TVP23B: variants seen among roughly 807,000 people sequenced by gnomAD.
TVP23B encodes Golgi apparatus membrane protein TVP23 homolog B.
In TVP23B, 10 loss-of-function variants were observed where a neutral mutation model predicts 30.6. That is an observed-to-expected ratio of 0.33 (90% CI 0.20 to 0.55). The LOEUF is 0.55. Ranked by LOEUF, TVP23B falls within the 20% of genes least tolerant of loss-of-function variation. TVP23B has a pLI of 0.91. For synonymous variants in TVP23B, 67 were observed against 83.1 expected, an observed-to-expected ratio of 0.81 and a Z score of 1.06; for missense variants, 153 against 243.2, an observed-to-expected ratio of 0.63 and a Z score of 2.47.
chr17:18,798,954 G>A lies in TVP23B; in HGVS notation c.462+11G>A, dbSNP rs192545463. The A allele has an allele frequency of 5.6e-6, 9 of 1,603,698 alleles. No homozygotes were observed. In the East Asian group the frequency reaches 2.0e-4, roughly 36 times the overall value. The stretch of plus-strand genomic sequence containing the variant: ...AGAGTAAAGTGGTTGGTGAGTATCA[G>A]TGTAGAACTTTCAAATAATCCATTA... On this transcript the variant is annotated intron_variant, in intron 5 of 6. Transcript: ENST00000307767.
chr17:18,801,425 G>A lies in TVP23B; in HGVS notation c.462+2482G>A, dbSNP rs1389297498. ...CCTTCTCTTTCTGCTGGTTTAGTGC[G>A]GGTGAATCCCCCTTGACCACCTTCT... On this transcript the variant is annotated intron_variant, in intron 5 of 6. Transcript: ENST00000307767. Among the ~76,000 whole-genome samples, 6 of 152,076 alleles carry A rather than the reference G, an allele frequency of 3.9e-5. No homozygotes were observed. In the East Asian group the frequency reaches 7.7e-4, roughly 20 times the overall value.
intron 1 of TVP23B, among the ~76,000 whole-genome samples, chr17:18,787,413 A>AC (rs1555540387): frequency 4.7e-5 from 7 of 150,052 alleles, no homozygotes; most frequent in African/African-American, 7.4e-5. Context: ...AAAAAAAAAA[A>AC]AAAAAACCTT....
At chr17:18,793,935 A>G (rs2036037119) in intron 3 of TVP23B, among the ~76,000 whole-genome samples, 1 of 152,110 alleles carries the variant, frequency 6.6e-6, no homozygotes, top group Non-Finnish European at 1.5e-5. Flanking sequence ...ATCAACTCAA[A>G]CAAAAAGAAA....
intron 6 of TVP23B, chr17:18,804,611 C>G: frequency 8.9e-7 from 1 of 1,120,236 alleles, no homozygotes; most frequent in Non-Finnish European, 1.1e-6. Flanking sequence ...TTTTTTGAGA[C>G]AGAGTTTTGC....
chr17:18,804,134 C>T lies in TVP23B; in HGVS notation c.463-4C>T. 6.2e-7 allele frequency: 1 copy of T among 1,613,362 alleles called. No individual in the cohort carries two copies. Among genetic ancestry groups the T allele is most frequent in the Non-Finnish European group, 8.5e-7 (1 of 1,179,628 alleles). ...ACCATTGATTATTTTTTCCCTTGTC[C>T]CAGGCGGTGGTTATCATGGGTGTGG... is the stretch of plus-strand genomic sequence containing the variant. On this transcript the variant is annotated splice_polypyrimidine_tract_variant and splice_region_variant and intron_variant, in intron 5 of 6. Coordinates refer to ENST00000307767, the MANE Select transcript of TVP23B (RefSeq NM_016078.6).
intron 1 of TVP23B, chr17:18,782,074 A>G (rs1230915917): frequency 6.6e-6 from 1 of 152,192 alleles, no homozygotes; most frequent in Non-Finnish European, 1.5e-5. Context: ...GGGTGATGAA[A>G]TAACAAGTGT....
At chr17:18,783,352 CGCCTCA>C (rs999929231) in intron 1 of TVP23B, among the ~76,000 whole-genome samples, 1 of 152,122 alleles carries the variant, frequency 6.6e-6, no homozygotes, top group Non-Finnish European at 1.5e-5. Flanking sequence ...GTGATCCACC[CGCCTCA>C]GCCTTCCAAA....
At chr17:18,795,709 C>G (rs2036066718) in intron 3 of TVP23B, 3 of 152,068 alleles carry the variant, frequency 2.0e-5, no homozygotes, top group Non-Finnish European at 2.9e-5. Flanking sequence ...TGTAGTAGTT[C>G]CCCCATTATC....
chr17:18,799,290 C>T (rs1051713387), intron 5 of TVP23B, among the ~76,000 whole-genome samples: 1 of 148,922 alleles, frequency 6.7e-6, no homozygotes, highest in African/African-American at 2.5e-5. Context: ...GGGAAGGGCT[C>T]TGCTGGGAGA....
intron 6 of TVP23B, chr17:18,804,604 T>G: frequency 8.9e-7 from 1 of 1,126,040 alleles, no homozygotes; most frequent in Non-Finnish European, 1.1e-6. Context: ...TTTTTTTTTT[T>G]TTGAGACAGA....
chr17:18,799,104 T>G, intron 5 of TVP23B, 161 bp downstream of exon 5: 1 of 704,066 alleles, frequency 1.4e-6, no homozygotes, highest in Non-Finnish European at 2.1e-6. Flanking sequence ...TACCTTTCTC[T>G]ATAATACTGG....
At chr17:18,785,593 C>T (rs1423450917) in intron 1 of TVP23B, among the ~76,000 whole-genome samples, 1 of 152,014 alleles carries the variant, frequency 6.6e-6, no homozygotes, top group Non-Finnish European at 1.5e-5. Flanking sequence ...AGAAGGCCAG[C>T]CTGGGCATGG....
Position 18,805,558 on chromosome 17 carries a change from G to A in TVP23B, c.609G>A (p.Gln203=). 1.2e-6 allele frequency: 2 copies of A among 1,605,990 alleles called. No homozygotes were observed. The highest frequency in any genetic ancestry group is 1.7e-6 in the Non-Finnish European group (2 of 1,177,684). Residue 203 remains glutamine, a synonymous_variant, in exon 7 of 7, where the codon CAG becomes CAA. Coordinates refer to ENST00000307767, the MANE Select transcript of TVP23B (RefSeq NM_016078.6). ...QFLRQNTGDD[Q]TS Reference sequence around the variant, plus strand: ...TTTTGCAGAACACTGGAGATGATCAGACTTCCTGAATAGAGAAAGCTTATG... The same window carrying A: ...TTTTGCAGAACACTGGAGATGATCAAACTTCCTGAATAGAGAAAGCTTATG...
chr17:18,790,931 G>A lies in TVP23B; in HGVS notation c.131G>A (p.Arg44Gln), dbSNP rs998610293. 3.1e-6 allele frequency: 5 copies of A among 1,611,268 alleles called. No homozygotes were observed. The highest frequency in any genetic ancestry group is 1.7e-5 in the Admixed American group (1 of 59,232). The change falls in exon 3 of 7, where the codon CGA becomes CAA. Residue 44 changes from arginine (R) to glutamine (Q), a missense_variant. This residue lies in a region of TVP23B where 53 missense variants were observed against 128.0 expected (regional missense o/e 0.41). Transcript: ENST00000307767. ...GCATCGTTTTTCCACTTATTCTTTC[G>A]AGTCAGTGCAATCATCGTCTATCTT... ...PVASFFHLFF[R>Q]VSAIIVYLLC... is the part of the protein sequence containing the mutation.
intron 5 of TVP23B, among the ~76,000 whole-genome samples, chr17:18,802,154 A>G (rs1362063429): frequency 1.1e-4 from 17 of 152,192 alleles, no homozygotes; most frequent in East Asian, 1.9e-4. Flanking sequence ...CCCAGGAGGC[A>G]GAGTTTGCAG....
rs377262096 is a variant in TVP23B, at chr17:18,805,526, T to G, written c.592-15T>G. 4.9e-5 allele frequency: 79 copies of G among 1,606,770 alleles called. 2 individuals are homozygous for G. The African/African-American group carries it at 9.8e-4, about 20-fold the overall frequency. On this transcript the variant is annotated splice_polypyrimidine_tract_variant and intron_variant, in intron 6 of 6. Coordinates refer to ENST00000307767, the MANE Select transcript of TVP23B (RefSeq NM_016078.6). ...ACTTTGATGTTAAGGAGTTTTTTTT[T>G]TTTGTCTTTTGCAGAACACTGGAGA...
chr17:18,798,724 T>C, intron 4 of TVP23B, 88 bp from the exon 5 acceptor site: 1 of 1,524,344 alleles, frequency 6.6e-7, no homozygotes, highest in Non-Finnish European at 8.9e-7. Flanking sequence ...ATATTTGAAC[T>C]TGTGGGTAAT....
chr17:18,795,644 T>C (rs1475078447), intron 3 of TVP23B, among the ~76,000 whole-genome samples: 1 of 152,212 alleles, frequency 6.6e-6, no homozygotes, highest in Non-Finnish European at 1.5e-5. Flanking sequence ...AAGTCACTTA[T>C]ATTGAAATAT....
chr17:18,804,159 G>T lies in TVP23B; in HGVS notation c.484G>T (p.Val162Leu), dbSNP rs1322019618. The stretch of plus-strand genomic sequence containing the variant: ...CCAGGCGGTGGTTATCATGGGTGTG[G>T]TGCTACAAGGTGCCAACCTGTATGG... ...KWLAVVIMGV[V>L]LQGANLYGYI... Residue 162 changes from valine to leucine, a missense_variant, in exon 6 of 7, where the codon GTG (valine) becomes TTG (leucine). Val to Leu is a conservative substitution (Grantham distance 32, BLOSUM62 1). This residue lies in a region of TVP23B where 62 missense variants were observed against 74.3 expected (regional missense o/e 0.83). Transcript: ENST00000307767. 6.2e-7 allele frequency: 1 copy of T among 1,613,858 alleles called. No homozygotes were observed. The highest frequency in any genetic ancestry group is 8.5e-7 in the Non-Finnish European group (1 of 1,179,832).
Sources: gnomAD v4.1 joint callset for allele counts (sites outside exome capture counted in the v4.1 genomes callset) on GRCh38, gnomAD v4.1.1 for gene constraint, gnomAD v4.1.1 regional missense constraint, MANE v1.5 for transcripts, NCBI Gene and HGNC (gene_info 2026-07-23, HGNC 2026-07-21) for gene names.